GLRA3: variants seen among roughly 807,000 people sequenced by gnomAD.
GLRA3 encodes glycine receptor subunit alpha-3.
Under a neutral mutation model 60.4 loss-of-function variants are expected in GLRA3, and 44 were observed. That is an observed-to-expected ratio of 0.73 (90% CI 0.57 to 0.94). The LOEUF is 0.94. Among genes scored for constraint, GLRA3 ranks in the 40% least tolerant of loss-of-function variants. GLRA3 has a pLI of 0.00. For synonymous variants in GLRA3, 223 were observed against 192.9 expected (o/e 1.16, Z -1.29); for missense variants, 508 against 564.6 (o/e 0.90, Z 1.02).
intron 2 of GLRA3, among the ~76,000 whole-genome samples, chr4:174,778,025 T>G (rs1279956986): frequency 1.3e-5 from 2 of 152,198 alleles, no homozygotes; most frequent in African/African-American, 2.4e-5. Context: ...CAAGTTATAA[T>G]TTATATGTGT....
intron 5 of GLRA3, among the ~76,000 whole-genome samples, chr4:174,686,796 G>C (rs1186392873): frequency 6.6e-6 from 1 of 152,102 alleles, no homozygotes; most frequent in Non-Finnish European, 1.5e-5. Flanking sequence ...AAGAAACTGC[G>C]AACTCCCAAG....
At chr4:174,745,059 G>T (rs1218007705) in intron 3 of GLRA3, among the ~76,000 whole-genome samples, 1 of 151,996 alleles carries the variant, frequency 6.6e-6, no homozygotes, top group Non-Finnish European at 1.5e-5. Context: ...ACAGAAGAAA[G>T]AACCACAGAA....
chr4:174,819,650 CA>C (rs1266677038), intron 1 of GLRA3, among the ~76,000 whole-genome samples: 1 of 152,104 alleles, frequency 6.6e-6, no homozygotes, highest in African/African-American at 2.4e-5. Context: ...ATTACATTTT[CA>C]GTTATTTTCA....
intron 2 of GLRA3, among the ~76,000 whole-genome samples, chr4:174,771,269 G>A (rs1014522526): frequency 7.9e-5 from 12 of 151,764 alleles, no homozygotes; most frequent in South Asian, 2.1e-4. Context: ...TGAAATTTCC[G>A]TCCTAAAAAA....
At chr4:174,653,114 C>A (rs967490879) in intron 9 of GLRA3, among the ~76,000 whole-genome samples, 2 of 151,846 alleles carry the variant, frequency 1.3e-5, no homozygotes, top group Non-Finnish European at 2.9e-5. Context: ...AACTTTATTA[C>A]CAAATAGGAA....
chr4:174,752,533 G>T (rs1295282657), intron 3 of GLRA3, among the ~76,000 whole-genome samples: 2 of 152,098 alleles, frequency 1.3e-5, no homozygotes, highest in Non-Finnish European at 2.9e-5. Context: ...TGAGAGAAAG[G>T]GGTGGGTATG....
intron 7 of GLRA3, among the ~76,000 whole-genome samples, chr4:174,666,757 TATTA>T (rs1372727687): frequency 0.031 from 1,550 of 49,870 alleles, 20 homozygotes; most frequent in South Asian, 0.14. Flanking sequence ...TATATATATA[TATTA>T]TATATATATA....
intron 5 of GLRA3, among the ~76,000 whole-genome samples, chr4:174,692,535 G>A (rs1049283468): frequency 6.7e-6 from 1 of 150,048 alleles, no homozygotes; most frequent in Non-Finnish European, 1.5e-5. Context: ...AAATCGGATG[G>A]TTGCCGTGTC....
chr4:174,721,043 T>TGTGTGTGTGTG (rs1420138706), intron 4 of GLRA3, among the ~76,000 whole-genome samples: 2 of 112,866 alleles, frequency 1.8e-5, no homozygotes, highest in African/African-American at 6.1e-5. Context: ...GTGTGTGTGT[T>TGTGTGTGTGTG]TTTGAGATGG....
In GLRA3 at chr4:174,807,546, T is replaced by C. The variant is rs1395582967; in HGVS notation, c.72-18603A>G. Among the ~76,000 whole-genome samples, 8 of 152,218 alleles carry C rather than the reference T, an allele frequency of 5.3e-5. No individual in the cohort carries two copies. The East Asian group carries it at 1.5e-3, about 29-fold the overall frequency. On this transcript the variant is annotated intron_variant, in intron 1 of 9. Transcript: ENST00000274093. ...TATTGTCAAAGTTAAATGAGCCTAT[T>C]TGAGATCAAAGGAGGTTAAGCTTAA...
intron 5 of GLRA3, among the ~76,000 whole-genome samples, chr4:174,706,242 G>GA (rs11350156): frequency 1.9e-4 from 29 of 149,142 alleles, no homozygotes; most frequent in South Asian, 6.4e-4. Flanking sequence ...AAAAAAAAAA[G>GA]AAAAAAAAAA....
Position 174,677,167 on chromosome 4 carries a change from C to A in GLRA3, c.838G>T (p.Asp280Tyr), listed in dbSNP as rs1734157899. The stretch of plus-strand genomic sequence containing the variant: ...AGAGCTACCCTGGCCGGTGCTGCAT[C>A]CATGTTGATCCAGAATGAAACCCAG... ...LSWVSFWINM[D>Y]AAPARVALGI... The change falls in exon 7 of 10, where the codon GAT (aspartate) becomes TAT (tyrosine). Residue 280 changes from aspartate (D) to tyrosine (Y), a missense_variant. Asp to Tyr is a radical substitution (Grantham distance 160). This residue lies in a region of GLRA3 where 329 missense variants were observed against 349.3 expected (regional missense o/e 0.94). Coordinates refer to ENST00000274093, the MANE Select transcript of GLRA3 (RefSeq NM_006529.4). 6.2e-7 allele frequency: 1 copy of A among 1,612,874 alleles called. No individual in the cohort carries two copies. The highest frequency in any genetic ancestry group is 1.3e-5 in the African/African-American group (1 of 74,864).
At position 174,677,284 on chromosome 4, in the gene GLRA3, T is replaced by C. The variant is rs1399111483; in HGVS notation, c.721A>G (p.Thr241Ala). Residue 241 changes from threonine (T) to alanine (A), a missense_variant, in exon 7 of 10, where the codon ACG (threonine) becomes GCG (alanine). By Grantham distance (58) the Thr-to-Ala change is moderately conservative. Around this residue, in one of 3 missense-constraint regions of GLRA3, gnomAD observed 329 missense variants for 349.3 expected, o/e 0.94. Coordinates refer to ENST00000274093, the MANE Select transcript of GLRA3 (RefSeq NM_006529.4). ...CTKHYNTGKFTCIEVRFHLER... is the reference protein window; with the variant it reads ...CTKHYNTGKFACIEVRFHLER... ...AGATGGAATCGCACTTCTATACACG[T>C]AAACTTTCCTAATTGGTGGTAAGGT... 7 of 1,591,542 alleles carry C rather than the reference T, an allele frequency of 4.4e-6. No homozygotes were observed. Among genetic ancestry groups the C allele is most frequent in the Admixed American group, 3.3e-5 (2 of 59,938 alleles).
intron 3 of GLRA3, among the ~76,000 whole-genome samples, chr4:174,766,158 A>G (rs1419790373): frequency 6.6e-6 from 1 of 152,012 alleles, no homozygotes; most frequent in Admixed American, 6.6e-5. Context: ...TAAATCCTTA[A>G]GTATTTTATA....
At chr4:174,800,691 C>T (rs114164904) in intron 1 of GLRA3, among the ~76,000 whole-genome samples, 2,848 of 152,126 alleles carry the variant, frequency 0.019, 35 homozygotes, top group Middle Eastern at 0.048. Context: ...ATTACACATA[C>T]GCACAATGTC....
chr4:174,790,825 CAAAAA>C (rs751090125), intron 1 of GLRA3, among the ~76,000 whole-genome samples: 3 of 65,124 alleles, frequency 4.6e-5, no homozygotes, highest in African/African-American at 7.1e-5. Context: ...CTAAAAAATA[CAAAAA>C]AAAAAAAAAA....
At position 174,828,983 on chromosome 4, in the gene GLRA3, AT is replaced by A. The variant is rs1741094734; in HGVS notation, c.-173del. The A allele has an allele frequency of 6.6e-6, 4 of 601,670 alleles. No individual in the cohort carries two copies. The African/African-American group carries it at 7.4e-5, about 11-fold the overall frequency. 37.3% of individuals were successfully genotyped at this position (601,670 alleles called of 1,614,324 possible). A position where few individuals can be genotyped will look rare whatever the true frequency, so the allele number is the denominator to read the frequency against. The stretch of plus-strand genomic sequence containing the variant: ...CGCAGTATGCGGACCCCTTCTCAGC[AT>A]TGAGCAGAAGTGGAGAGTCACAGTG... On this transcript the variant is annotated 5_prime_UTR_variant, in exon 1 of 10. It adds an upstream start codon to the 5' untranslated region. Transcript: ENST00000274093.
chr4:174,677,919 T>C (rs1415999288), intron 6 of GLRA3, among the ~76,000 whole-genome samples: 2 of 152,168 alleles, frequency 1.3e-5, no homozygotes, highest in Non-Finnish European at 2.9e-5. Flanking sequence ...GAGAAATATA[T>C]ACTTATTATA....
Position 174,705,623 on chromosome 4 carries a change from G to A in GLRA3, c.574+9865C>T, listed in dbSNP as rs967649727. ...TGTAAGAGAAGAGGGGAGTCATTCC[G>A]GACAACCAACTTGATGTTTTCTTTA... On this transcript the variant is annotated intron_variant, in intron 5 of 9. Transcript: ENST00000274093. Among the ~76,000 whole-genome samples the A allele has an allele frequency of 1.6e-4, 23 of 140,048 alleles. 2 individuals are homozygous for A. The highest frequency in any genetic ancestry group is 4.8e-4 in the African/African-American group (19 of 39,516). 91.9% of individuals were successfully genotyped at this position (140,048 alleles called of 152,430 possible). A position where few individuals can be genotyped will look rare whatever the true frequency, so the allele number is the denominator to read the frequency against.
Sources: gnomAD v4.1 joint callset for allele counts (sites outside exome capture counted in the v4.1 genomes callset) on GRCh38, gnomAD v4.1.1 for gene constraint, gnomAD v4.1.1 regional missense constraint, MANE v1.5 for transcripts, NCBI Gene and HGNC (gene_info 2026-07-23, HGNC 2026-07-21) for gene names.